CAMTA1: variants seen among roughly 807,000 people sequenced by gnomAD.
The protein encoded by CAMTA1 is calmodulin-binding transcription activator 1.
Under a neutral mutation model 170.9 loss-of-function variants are expected in CAMTA1, and 27 were observed. That is an observed-to-expected ratio of 0.16 (90% CI 0.12 to 0.22). The LOEUF (loss-of-function observed/expected upper bound fraction) is 0.22. Among genes scored for constraint, CAMTA1 ranks in the 10% least tolerant of loss-of-function variants. The probability of loss-of-function intolerance (pLI) is 1.00; values close to 1 mark genes in which losing one functional copy is unlikely to be tolerated. For missense variants in CAMTA1, 1,619 were observed against 2,217.2 expected (o/e 0.73, Z 5.42); for synonymous variants, 833 against 891.5 (o/e 0.93, Z 1.17).
chr1:7,586,052 G>C (rs2095306965), intron 6 of CAMTA1, among the ~76,000 whole-genome samples: 1 of 152,094 alleles, frequency 6.6e-6, no homozygotes, highest in Admixed American at 6.5e-5. Context: ...TTCCCAAACA[G>C]ACAAGGTGGT....
At chr1:7,030,115 C>T (rs1702584778) in intron 3 of CAMTA1, among the ~76,000 whole-genome samples, 1 of 152,224 alleles carries the variant, frequency 6.6e-6, no homozygotes, top group Non-Finnish European at 1.5e-5. Flanking sequence ...GTTACTATAT[C>T]AAAACCCTAC....
intron 3 of CAMTA1, among the ~76,000 whole-genome samples, chr1:6,931,443 A>T (rs955894436): frequency 6.6e-6 from 1 of 152,162 alleles, no homozygotes; most frequent in Non-Finnish European, 1.5e-5. Context: ...ATAGTACTAA[A>T]TGGAACACAC....
intron 6 of CAMTA1, among the ~76,000 whole-genome samples, chr1:7,480,224 T>TAC (rs1336169263): frequency 0.011 from 1,604 of 146,658 alleles, 34 homozygotes; most frequent in African/African-American, 0.04. Flanking sequence ...TGTGTACGTG[T>TAC]GTGTGAGTGC....
At position 7,320,437 on chromosome 1, in the gene CAMTA1, T is replaced by C. The variant is rs562723549; in HGVS notation, c.438+70811T>C. On this transcript the variant is annotated intron_variant, in intron 5 of 22. Transcript: ENST00000303635. ...TGTATCTGAGGCTGTAATAATCCAC[T>C]CTAGGAAAGACATCTGGCTGGTGGG... is the stretch of plus-strand genomic sequence containing the variant. 3.9e-5 allele frequency among the ~76,000 whole-genome samples: 6 copies of C among 152,296 alleles called. No individual in the cohort carries two copies. The East Asian group carries it at 1.2e-3, about 29-fold the overall frequency.
chr1:7,491,313 G>A (rs529823468), intron 6 of CAMTA1, among the ~76,000 whole-genome samples: 31 of 152,244 alleles, frequency 2.0e-4, no homozygotes, highest in Admixed American at 1.8e-3. Flanking sequence ...ACTTAAGGAC[G>A]GGCACGGGTG....
In CAMTA1 at chr1:6,824,946, A is replaced by G. The variant is rs1646941165; in HGVS notation, c.116-146A>G. 6 of 505,122 alleles carry G rather than the reference A, an allele frequency of 1.2e-5. No homozygotes were observed. In the South Asian group the frequency reaches 1.6e-4, roughly 14 times the overall value. The allele number at this position is 505,122 out of a possible 1,614,324, so 31.3% of individuals were successfully genotyped here. A position where few individuals can be genotyped will look rare whatever the true frequency, so the allele number is the denominator to read the frequency against. Reference sequence around the variant, plus strand: ...CAATCTGATAAATGGGTAAATGAGTATTATTAACTAAGAGGAATAGTGGGG... The same window carrying G: ...CAATCTGATAAATGGGTAAATGAGTGTTATTAACTAAGAGGAATAGTGGGG... On this transcript the variant is annotated intron_variant, in intron 2 of 22. Coordinates refer to ENST00000303635, the MANE Select transcript of CAMTA1 (RefSeq NM_015215.4).
chr1:6,931,409 G>A (rs986524292), intron 3 of CAMTA1, among the ~76,000 whole-genome samples: 3 of 152,164 alleles, frequency 2.0e-5, no homozygotes, highest in African/African-American at 4.8e-5. Flanking sequence ...TACAGGTAGC[G>A]TAGTAATAAA....
chr1:6,909,609 G>A (rs1243272549), intron 3 of CAMTA1, among the ~76,000 whole-genome samples: 1 of 152,220 alleles, frequency 6.6e-6, no homozygotes, highest in Non-Finnish European at 1.5e-5. Flanking sequence ...CCCATGGGGC[G>A]TGGAGGGCTC....
chr1:7,296,842 A>G (rs1277444551), intron 5 of CAMTA1, among the ~76,000 whole-genome samples: 1 of 152,072 alleles, frequency 6.6e-6, no homozygotes, highest in Non-Finnish European at 1.5e-5. Flanking sequence ...AGGAGAGAAA[A>G]TGACTAAAGA....
At chr1:6,813,885 G>C (rs1570352254) in intron 1 of CAMTA1, among the ~76,000 whole-genome samples, 1 of 152,194 alleles carries the variant, frequency 6.6e-6, no homozygotes, top group Non-Finnish European at 1.5e-5. Flanking sequence ...GAAGAGATGT[G>C]CTTGAAAACG....
chr1:7,064,873 G>T lies in CAMTA1; in HGVS notation c.235-26431G>T, dbSNP rs1469302794. Among the ~76,000 whole-genome samples the T allele has an allele frequency of 1.3e-5, 2 of 152,136 alleles. No homozygotes were observed. Among genetic ancestry groups the T allele is most frequent in the Non-Finnish European group, 2.9e-5 (2 of 68,022 alleles). On this transcript the variant is annotated intron_variant, in intron 3 of 22. Coordinates refer to ENST00000303635, the MANE Select transcript of CAMTA1 (RefSeq NM_015215.4). The surrounding 1 kb of genome is among the most constrained non-coding windows in gnomAD (Gnocchi z 5.4). ...GTGACTCCTGCTGCCATCTAGGCAA[G>T]ACATGGCAGCCACTTAGATGAGGAT...
At chr1:7,420,735 C>T (rs748108343) in intron 5 of CAMTA1, among the ~76,000 whole-genome samples, 1 of 152,206 alleles carries the variant, frequency 6.6e-6, no homozygotes, top group Non-Finnish European at 1.5e-5. Flanking sequence ...CTTTGAGCCT[C>T]CAAGCTGGTG....
At chr1:7,696,431 T>C (rs932779757) in intron 11 of CAMTA1, among the ~76,000 whole-genome samples, 2 of 151,738 alleles carry the variant, frequency 1.3e-5, no homozygotes, top group Non-Finnish European at 2.9e-5. Flanking sequence ...CCTGACCTCG[T>C]GATCCTCCCT....
intron 10 of CAMTA1, among the ~76,000 whole-genome samples, chr1:7,676,566 ACT>A (rs2096123056): frequency 6.6e-6 from 1 of 151,992 alleles, no homozygotes; most frequent in Admixed American, 6.6e-5. Flanking sequence ...GGCTTCCTCG[ACT>A]CTATAAGCTT....
At chr1:7,088,579 G>A (rs994136715) in intron 3 of CAMTA1, among the ~76,000 whole-genome samples, 2 of 152,200 alleles carry the variant, frequency 1.3e-5, no homozygotes, top group Admixed American at 1.3e-4. Context: ...CCCCTTCGGC[G>A]GGCCATAGCA....
Position 7,732,838 on chromosome 1 carries a change from C to A in CAMTA1, c.3066+239C>A, listed in dbSNP as rs1221616294. Among the ~76,000 whole-genome samples the A allele has an allele frequency of 6.6e-6, 1 of 152,120 alleles. No individual in the cohort carries two copies. Among genetic ancestry groups the A allele is most frequent in the Non-Finnish European group, 1.5e-5 (1 of 68,028 alleles). On this transcript the variant is annotated intron_variant, in intron 12 of 22. Transcript: ENST00000303635. The surrounding 1 kb of genome is among the most constrained non-coding windows in gnomAD (Gnocchi z 4.1). ...TACCCCCCTAATCCTTAAGTTATCTCTATTAATCTCAGAATTCACTACTAA... is the reference window on the plus strand; with the variant it reads ...TACCCCCCTAATCCTTAAGTTATCTATATTAATCTCAGAATTCACTACTAA...
chr1:7,416,101 G>T (rs1372089622), intron 5 of CAMTA1, among the ~76,000 whole-genome samples: 2 of 152,160 alleles, frequency 1.3e-5, no homozygotes, highest in Non-Finnish European at 2.9e-5. Context: ...ACTCTCTTCT[G>T]GCTTGTAGAG....
At chr1:7,349,328 T>G (rs1255080526) in intron 5 of CAMTA1, among the ~76,000 whole-genome samples, 1 of 152,144 alleles carries the variant, frequency 6.6e-6, no homozygotes, top group Non-Finnish European at 1.5e-5. Context: ...ATTACCACCT[T>G]ATGAGCGCAC....
intron 3 of CAMTA1, among the ~76,000 whole-genome samples, chr1:6,956,179 G>A (rs1180709945): frequency 6.6e-6 from 1 of 152,184 alleles, no homozygotes; most frequent in African/African-American, 2.4e-5. Context: ...AACTAGCAGG[G>A]CCAGAGGCTG....
Sources: allele counts gnomAD v4.1 joint callset (sites outside exome capture counted in the v4.1 genomes callset), GRCh38; gene constraint gnomAD v4.1.1; non-coding constraint Gnocchi (gnomAD v3.1); transcripts MANE v1.5; gene names NCBI Gene and HGNC (gene_info 2026-07-23, HGNC 2026-07-21).